CCDC71L: variants seen among roughly 807,000 people sequenced by gnomAD.
CCDC71L encodes coiled-coil domain-containing protein 71L.
CCDC71L carries 6 observed loss-of-function variants against 10.2 expected under a neutral mutation model. That is an observed-to-expected ratio of 0.59 (90% confidence interval 0.32 to 1.16). The LOEUF (loss-of-function observed/expected upper bound fraction) is 1.16. Ranked by LOEUF, CCDC71L falls within the 50% of genes most tolerant of loss-of-function variation. The pLI is 0.05. For synonymous variants in CCDC71L, 204 were observed against 175.5 expected (o/e 1.16, Z -1.28); for missense variants, 366 against 383.4 (o/e 0.95, Z 0.38).
Position 106,660,155 on chromosome 7 carries a change from C to G in CCDC71L, c.*34G>C. ...CCGGGCGGAAGGCCTGTCCCAAGGT[C>G]GGGGCCGGCAGGAGGCGCCCTGGAG... On this transcript the variant is annotated 3_prime_UTR_variant, in exon 1 of 1. Coordinates refer to ENST00000523505, the MANE Select transcript of CCDC71L (RefSeq NM_175884.6). The surrounding 1 kb of genome is among the most constrained non-coding windows in gnomAD (Gnocchi z 7.5). 6.7e-7 allele frequency: 1 copy of G among 1,491,486 alleles called. No individual in the cohort carries two copies. Among genetic ancestry groups the G allele is most frequent in the East Asian group, 2.7e-5 (1 of 36,836 alleles). The allele number at this position is 1,491,486 out of a possible 1,614,324, so 92.4% of individuals were successfully genotyped here.
In CCDC71L at chr7:106,660,259, G is replaced by A; in HGVS notation, c.638C>T (p.Ala213Val). The A allele has an allele frequency of 1.9e-6, 3 of 1,571,838 alleles. No individual in the cohort carries two copies. Among genetic ancestry groups the A allele is most frequent in the Non-Finnish European group, 2.6e-6 (3 of 1,169,122 alleles). The change falls in exon 1 of 1, where the codon GCG becomes GTG. Residue 213 changes from alanine to valine, a missense_variant. By Grantham distance (64) the Ala-to-Val change is moderately conservative. Transcript: ENST00000523505. The surrounding 1 kb of genome is among the most constrained non-coding windows in gnomAD (Gnocchi z 7.5). ...ERSLAAARRR[A>V]RQVLRVNLEP... ...CAGGTTCACTCGCAGGACCTGGCGC[G>A]CCCTGCGCCGCGCTGCCGCCAGGCT...
In CCDC71L at chr7:106,660,976, G is replaced by A. The variant is rs190907183; in HGVS notation, c.-80C>T. 1.1e-4 allele frequency: 139 copies of A among 1,295,610 alleles called. 1 individual carries two copies. The East Asian group carries it at 4.4e-3, about 41-fold the overall frequency. 80.3% of individuals were successfully genotyped at this position (1,295,610 alleles called of 1,614,324 possible). A position where few individuals can be genotyped will look rare whatever the true frequency, so the allele number is the denominator to read the frequency against. On this transcript the variant is annotated 5_prime_UTR_variant, in exon 1 of 1. Coordinates refer to ENST00000523505, the MANE Select transcript of CCDC71L (RefSeq NM_175884.6). This position sits in a 1 kb window ranked among gnomAD's most constrained non-coding sequence, Gnocchi z 7.5. ...TCCCAGTCCGCGTTGGCTCCGCGGC[G>A]GCGGCTGCTGCTGGCGTCTCTCGCT...
rs1424353149 is a variant in CCDC71L, at chr7:106,660,809, C to G, written c.88G>C (p.Gly30Arg). The G allele has an allele frequency of 1.3e-6, 2 of 1,543,954 alleles. No homozygotes were observed. Among genetic ancestry groups the G allele is most frequent in the Non-Finnish European group, 1.7e-6 (2 of 1,144,236 alleles). Residue 30 changes from glycine to arginine, a missense_variant, in exon 1 of 1, where the codon GGG becomes CGG. Physicochemically the swap from Gly to Arg is moderately radical, Grantham distance 125 (BLOSUM62 -2). Transcript: ENST00000523505. This position sits in a 1 kb window ranked among gnomAD's most constrained non-coding sequence, Gnocchi z 7.5. ...TCCTCCCGCGCCTCCAACCCAGCCC[C>G]GTCTTCTGCCCTAAAGTCGCCGCCC... ...ARGGDFRAED[G>R]AGLEAREEKV...
chr7:106,660,563 G>C lies in CCDC71L; in HGVS notation c.334C>G (p.Pro112Ala). ...SSCRALVPDP[P>A]GPPTARGQAR... The stretch of plus-strand genomic sequence containing the variant: ...TGGCCGCGGGCTGTAGGGGGCCCCG[G>C]GGGGTCGGGTACCAGGGCCCGGCAG... Residue 112 changes from proline (P) to alanine (A), a missense_variant, in exon 1 of 1, where the codon CCG becomes GCG. Physicochemically the swap from Pro to Ala is conservative, Grantham distance 27. Transcript: ENST00000523505. The surrounding 1 kb of genome is among the most constrained non-coding windows in gnomAD (Gnocchi z 7.5). 9 of 1,534,232 alleles carry C rather than the reference G, an allele frequency of 5.9e-6. No individual in the cohort carries two copies. Among genetic ancestry groups the C allele is most frequent in the South Asian group, 3.6e-5 (3 of 83,274 alleles).
At position 106,656,439 on chromosome 7, in the gene CCDC71L, T is replaced by C. The variant is rs868805791; in HGVS notation, c.*3750A>G. Among the ~76,000 whole-genome samples the C allele has an allele frequency of 2.0e-5, 3 of 152,268 alleles. No individual in the cohort carries two copies. Among genetic ancestry groups the C allele is most frequent in the African/African-American group, 7.2e-5 (3 of 41,568 alleles). ...GAAAGAGCAAGAGCTTTAGACCTTT[T>C]GTCATCGTCACAGGGGCACCTCGGG... On this transcript the variant is annotated 3_prime_UTR_variant, in exon 1 of 1. Coordinates refer to ENST00000523505, the MANE Select transcript of CCDC71L (RefSeq NM_175884.6).
Position 106,660,169 on chromosome 7 carries a change from G to A in CCDC71L, c.*20C>T, listed in dbSNP as rs753234944. The A allele has an allele frequency of 4.0e-6, 6 of 1,513,856 alleles. No individual in the cohort carries two copies. Among genetic ancestry groups the A allele is most frequent in the Non-Finnish European group, 5.3e-6 (6 of 1,142,216 alleles). 93.8% of individuals were successfully genotyped at this position (1,513,856 alleles called of 1,614,324 possible). ...TGTCCCAAGGTCGGGGCCGGCAGGAGGCGCCCTGGAGGCCGCACCTCATGC... is the reference window on the plus strand; with the variant it reads ...TGTCCCAAGGTCGGGGCCGGCAGGAAGCGCCCTGGAGGCCGCACCTCATGC... On this transcript the variant is annotated 3_prime_UTR_variant, in exon 1 of 1. Transcript: ENST00000523505. The surrounding 1 kb of genome is among the most constrained non-coding windows in gnomAD (Gnocchi z 7.5).
Position 106,660,045 on chromosome 7 carries a change from C to T in CCDC71L, c.*144G>A. Reference sequence around the variant, plus strand: ...GCGGCCCGGGACAGGGACAACCATCCGGCAACTTCTTCGCGCGTAAAGTGC... The same window carrying T: ...GCGGCCCGGGACAGGGACAACCATCTGGCAACTTCTTCGCGCGTAAAGTGC... On this transcript the variant is annotated 3_prime_UTR_variant, in exon 1 of 1. Coordinates refer to ENST00000523505, the MANE Select transcript of CCDC71L (RefSeq NM_175884.6). This position sits in a 1 kb window ranked among gnomAD's most constrained non-coding sequence, Gnocchi z 7.5. 2.6e-6 allele frequency: 3 copies of T among 1,161,410 alleles called. No individual in the cohort carries two copies. Among genetic ancestry groups the T allele is most frequent in the Non-Finnish European group, 3.4e-6 (3 of 881,206 alleles). 71.9% of individuals were successfully genotyped at this position (1,161,410 alleles called of 1,614,324 possible).
At position 106,659,530 on chromosome 7, in the gene CCDC71L, T is replaced by C. The variant is rs1419125239; in HGVS notation, c.*659A>G. The C allele has an allele frequency of 6.6e-6, 1 of 152,670 alleles. No individual in the cohort carries two copies. Among genetic ancestry groups the C allele is most frequent in the Non-Finnish European group, 1.5e-5 (1 of 68,042 alleles). 9.5% of individuals were successfully genotyped at this position (152,670 alleles called of 1,614,324 possible). A position where few individuals can be genotyped will look rare whatever the true frequency, so the allele number is the denominator to read the frequency against. On this transcript the variant is annotated 3_prime_UTR_variant, in exon 1 of 1. Transcript: ENST00000523505. The stretch of plus-strand genomic sequence containing the variant: ...TGAAAATGTTTAAACAGTTGTATTT[T>C]GCATGTCTTTGTTTGTAATCACTGA...
chr7:106,658,150 T>C lies in CCDC71L; in HGVS notation c.*2039A>G, dbSNP rs1792522189. 6.6e-6 allele frequency: 1 copy of C among 152,208 alleles called. No individual in the cohort carries two copies. The highest frequency in any genetic ancestry group is 1.5e-5 in the Non-Finnish European group (1 of 68,026). The allele number at this position is 152,208 out of a possible 1,614,324, so 9.4% of individuals were successfully genotyped here. A position where few individuals can be genotyped will look rare whatever the true frequency, so the allele number is the denominator to read the frequency against. ...CAATATATTTTTGGGAAGAAAACCC[T>C]ATGCATCTGAAATACAATTGGCAAT... On this transcript the variant is annotated 3_prime_UTR_variant, in exon 1 of 1. Transcript: ENST00000523505.
chr7:106,659,985 G>A lies in CCDC71L; in HGVS notation c.*204C>T. The stretch of plus-strand genomic sequence containing the variant: ...AGGCCGGGTACGGGAGGCAGCAGAG[G>A]GCACACCTGCCCCAGCGTCCAAGAC... On this transcript the variant is annotated 3_prime_UTR_variant, in exon 1 of 1. Transcript: ENST00000523505. The A allele has an allele frequency of 2.9e-6, 2 of 682,338 alleles. No homozygotes were observed. Among genetic ancestry groups the A allele is most frequent in the Non-Finnish European group, 4.5e-6 (2 of 443,516 alleles). The allele number at this position is 682,338 out of a possible 1,614,324, so 42.3% of individuals were successfully genotyped here.
Position 106,660,411 on chromosome 7 carries a change from C to A in CCDC71L, c.486G>T (p.Pro162=). The A allele has an allele frequency of 6.3e-6, 8 of 1,270,846 alleles. No individual in the cohort carries two copies. The highest frequency in any genetic ancestry group is 6.4e-5 in the East Asian group (2 of 31,468). The allele number at this position is 1,270,846 out of a possible 1,614,324, so 78.7% of individuals were successfully genotyped here. A position where few individuals can be genotyped will look rare whatever the true frequency, so the allele number is the denominator to read the frequency against. ...PPPPPPEESC[P]AKPVAPGPCF... The stretch of plus-strand genomic sequence containing the variant: ...AGGGCCCGGGGGCCACGGGCTTGGC[C>A]GGGCAGCTCTCCTCGGGGGGCGGCG... The change falls in exon 1 of 1, where the codon CCG becomes CCT. Residue 162 remains proline (P), a synonymous_variant. Coordinates refer to ENST00000523505, the MANE Select transcript of CCDC71L (RefSeq NM_175884.6). This position sits in a 1 kb window ranked among gnomAD's most constrained non-coding sequence, Gnocchi z 7.5.
chr7:106,660,026 C>T lies in CCDC71L; in HGVS notation c.*163G>A, dbSNP rs1356066240. ...CGTCCAAGACGACCGCGCCGCGGCC[C>T]GGGACAGGGACAACCATCCGGCAAC... On this transcript the variant is annotated 3_prime_UTR_variant, in exon 1 of 1. Transcript: ENST00000523505. This position sits in a 1 kb window ranked among gnomAD's most constrained non-coding sequence, Gnocchi z 7.5. 2 of 1,016,492 alleles carry T rather than the reference C, an allele frequency of 2.0e-6. No homozygotes were observed. The highest frequency in any genetic ancestry group is 2.0e-5 in the South Asian group (1 of 51,110). The allele number at this position is 1,016,492 out of a possible 1,614,324, so 63.0% of individuals were successfully genotyped here.
Position 106,655,444 on chromosome 7 carries a change from T to C in CCDC71L, c.*4745A>G, listed in dbSNP as rs1426539197. Among the ~76,000 whole-genome samples the C allele has an allele frequency of 1.3e-5, 2 of 152,172 alleles. No homozygotes were observed. Among genetic ancestry groups the C allele is most frequent in the African/African-American group, 4.8e-5 (2 of 41,450 alleles). On this transcript the variant is annotated 3_prime_UTR_variant, in exon 1 of 1. Transcript: ENST00000523505. ...CTTTCAGTAATAATTTTCTGGTGTT[T>C]CAAGCACAGCTATTGTACTCACTTT...
In CCDC71L at chr7:106,655,986, TTTAG is replaced by T. The variant is rs1411210850; in HGVS notation, c.*4199_*4202del. On this transcript the variant is annotated 3_prime_UTR_variant, in exon 1 of 1. Transcript: ENST00000523505. ...GCATACCTATAATTAAGAGCATTTA[TTTAG>T]TACTTCCTATGTGTCTAGCATTACT... Among the ~76,000 whole-genome samples, 4 of 152,210 alleles carry T rather than the reference TTTAG, an allele frequency of 2.6e-5. No homozygotes were observed. Among genetic ancestry groups the T allele is most frequent in the Non-Finnish European group, 4.4e-5 (3 of 68,022 alleles).
Position 106,660,475 on chromosome 7 carries a change from G to A in CCDC71L, c.422C>T (p.Ala141Val). ...RRRRRGARAA[A>V]ARRRKPRPPP... ...CGGCCGGGGCTTCCTCCTGCGGGCA[G>A]CGGCCGCCCGGGCTCCGCGGCGCCT... Residue 141 changes from alanine to valine, a missense_variant, in exon 1 of 1, where the codon GCT becomes GTT. By Grantham distance (64) the Ala-to-Val change is moderately conservative. Coordinates refer to ENST00000523505, the MANE Select transcript of CCDC71L (RefSeq NM_175884.6). This position sits in a 1 kb window ranked among gnomAD's most constrained non-coding sequence, Gnocchi z 7.5. The A allele has an allele frequency of 8.2e-7, 1 of 1,223,598 alleles. No homozygotes were observed. Among genetic ancestry groups the A allele is most frequent in the Non-Finnish European group, 1.0e-6 (1 of 984,046 alleles). The allele number at this position is 1,223,598 out of a possible 1,614,324, so 75.8% of individuals were successfully genotyped here.
rs2116103223 is a variant in CCDC71L at position 106,660,289 on chromosome 7, T to C, written c.608A>G (p.Glu203Gly). ...GCGCCGCGCTGCCGCCAGGCTGCGC[T>C]CGCCCCACACGTCGCTGCCGACGCG... ...TIRVGSDVWG[E>G]RSLAAARRRA... Residue 203 changes from glutamate to glycine, a missense_variant, in exon 1 of 1, where the codon GAG becomes GGG. Physicochemically the swap from Glu to Gly is moderately conservative, Grantham distance 98 (BLOSUM62 -2). Coordinates refer to ENST00000523505, the MANE Select transcript of CCDC71L (RefSeq NM_175884.6). The surrounding 1 kb of genome is among the most constrained non-coding windows in gnomAD (Gnocchi z 7.5). 6.4e-7 allele frequency: 1 copy of C among 1,563,416 alleles called. No individual in the cohort carries two copies. Among genetic ancestry groups the C allele is most frequent in the Non-Finnish European group, 8.6e-7 (1 of 1,165,172 alleles).
In CCDC71L at chr7:106,660,974, G is replaced by A; in HGVS notation, c.-78C>T. ...CGTCCCAGTCCGCGTTGGCTCCGCGGCGGCGGCTGCTGCTGGCGTCTCTCG... is the reference window on the plus strand; with the variant it reads ...CGTCCCAGTCCGCGTTGGCTCCGCGACGGCGGCTGCTGCTGGCGTCTCTCG... On this transcript the variant is annotated 5_prime_UTR_variant, in exon 1 of 1. Coordinates refer to ENST00000523505, the MANE Select transcript of CCDC71L (RefSeq NM_175884.6). The surrounding 1 kb of genome is among the most constrained non-coding windows in gnomAD (Gnocchi z 7.5). 1 of 1,295,582 alleles carries A rather than the reference G, an allele frequency of 7.7e-7. No homozygotes were observed. The highest frequency in any genetic ancestry group is 2.5e-5 in the South Asian group (1 of 39,892). 80.3% of individuals were successfully genotyped at this position (1,295,582 alleles called of 1,614,324 possible). A position where few individuals can be genotyped will look rare whatever the true frequency, so the allele number is the denominator to read the frequency against.
rs1454034366 is a variant in CCDC71L at position 106,655,088 on chromosome 7, T to C, written c.*5101A>G. 6.6e-6 allele frequency among the ~76,000 whole-genome samples: 1 copy of C among 152,164 alleles called. No homozygotes were observed. Among genetic ancestry groups the C allele is most frequent in the East Asian group, 1.9e-4 (1 of 5,206 alleles). ...TGTTTTTATGATTATTACTTTCCAA[T>C]TGGGCTTTAGATATGTTTATTATGT... On this transcript the variant is annotated 3_prime_UTR_variant, in exon 1 of 1. Transcript: ENST00000523505.
Position 106,657,462 on chromosome 7 carries a change from A to C in CCDC71L, c.*2727T>G, listed in dbSNP as rs1792509661. On this transcript the variant is annotated 3_prime_UTR_variant, in exon 1 of 1. Transcript: ENST00000523505. ...AAAGAGAAGGCAAGAGAATGAACGA[A>C]GATCATGAGATTTCTTTCAAAAACT... 1 of 152,206 alleles carries C rather than the reference A, an allele frequency of 6.6e-6. No individual in the cohort carries two copies. The highest frequency in any genetic ancestry group is 1.5e-5 in the Non-Finnish European group (1 of 68,026). The allele number at this position is 152,206 out of a possible 1,614,324, so 9.4% of individuals were successfully genotyped here.
Sources: gnomAD v4.1 joint callset for allele counts (sites outside exome capture counted in the v4.1 genomes callset) on GRCh38, gnomAD v4.1.1 for gene constraint, Gnocchi (gnomAD v3.1) non-coding constraint, MANE v1.5 for transcripts, NCBI Gene and HGNC (gene_info 2026-07-23, HGNC 2026-07-21) for gene names.